Variants in OPHN1 observed in about 807,000 individuals in gnomAD.
The protein encoded by OPHN1 is oligophrenin 1.
OPHN1 carries 11 observed loss-of-function variants against 60.7 expected under a neutral mutation model. The ratio of observed to expected loss-of-function variants is 0.18; its 90% confidence interval spans 0.11 to 0.30. The LOEUF (loss-of-function observed/expected upper bound fraction) is 0.30. Ranked by LOEUF, OPHN1 falls within the 10% of genes least tolerant of loss-of-function variation. The pLI is 1.00. For synonymous variants in OPHN1, 226 were observed against 222.6 expected, an observed-to-expected ratio of 1.02 and a Z score of -0.14; for missense variants, 449 against 611.0, an observed-to-expected ratio of 0.73 and a Z score of 2.80.
chrX:68,144,348 T>C (rs572580553), intron 15 of OPHN1, among the ~76,000 whole-genome samples: 37 of 110,591 alleles, frequency 3.3e-4, no homozygotes, highest in Middle Eastern at 9.1e-3. Flanking sequence ...CTCAACTGAC[T>C]AGGCCATGTT....
intron 5 of OPHN1, among the ~76,000 whole-genome samples, chrX:68,247,896 G>C (rs2077814830): frequency 9.0e-6 from 1 of 111,130 alleles, no homozygotes; most frequent in Non-Finnish European, 1.9e-5. Context: ...AATTTTAAAA[G>C]AATAAATTGC....
intron 19 of OPHN1, among the ~76,000 whole-genome samples, chrX:68,090,063 A>G (rs186235425): frequency 2.1e-4 from 24 of 112,114 alleles, no homozygotes; most frequent in Non-Finnish European, 3.9e-4. Flanking sequence ...TACATATTAG[A>G]TTCACATGTA....
At chrX:68,244,894 TAG>T (rs2077797924) in intron 5 of OPHN1, among the ~76,000 whole-genome samples, 1 of 111,497 alleles carries the variant, frequency 9.0e-6, no homozygotes, top group South Asian at 3.8e-4. Context: ...CACAAGCTAA[TAG>T]AAGTAAAAGA....
At chrX:68,090,503 G>C (rs1172115421) in intron 19 of OPHN1, among the ~76,000 whole-genome samples, 1 of 111,031 alleles carries the variant, frequency 9.0e-6, no homozygotes, top group Non-Finnish European at 1.9e-5. Context: ...AGAAAGGAGA[G>C]ACAGACCAGG....
rs1265547833 is a variant in OPHN1 at position 68,143,702 on chromosome X, G to A, written c.1277-24370C>T. Among the ~76,000 whole-genome samples, 6 of 111,196 alleles carry A rather than the reference G, an allele frequency of 5.4e-5. No individual in the cohort carries two copies. In the South Asian group the frequency reaches 1.1e-3, roughly 21 times the overall value. ...AATTAATAATTTAATAATATCCCCC[G>A]GTAGACAACACTTCATATGTGCTGT... is the stretch of plus-strand genomic sequence containing the variant. On this transcript the variant is annotated intron_variant, in intron 15 of 24. Coordinates refer to ENST00000355520, the MANE Select transcript of OPHN1 (RefSeq NM_002547.3).
intron 5 of OPHN1, among the ~76,000 whole-genome samples, chrX:68,241,063 C>T (rs1196753568): frequency 9.0e-6 from 1 of 111,658 alleles, no homozygotes. Flanking sequence ...AAAACATACT[C>T]TATGTGATAT....
At chrX:68,197,563 T>C in intron 11 of OPHN1, among the ~76,000 whole-genome samples, 1 of 110,838 alleles carries the variant, frequency 9.0e-6, no homozygotes. Context: ...TTGGCCCCAT[T>C]GTGCTTGAAC....
At chrX:68,255,017 G>GAAAA (rs748466618) in intron 5 of OPHN1, among the ~76,000 whole-genome samples, 1 of 32,928 alleles carries the variant, frequency 3.0e-5, no homozygotes. Context: ...TCTGCCTCAA[G>GAAAA]AAAAAAAAAA....
chrX:68,345,627 G>A (rs1355976958), intron 2 of OPHN1, among the ~76,000 whole-genome samples: 2 of 111,431 alleles, frequency 1.8e-5, no homozygotes, highest in African/African-American at 3.3e-5. Flanking sequence ...AGGCTGAGAT[G>A]GGCAAATCAC....
At chrX:68,387,679 C>G (rs747454631) in intron 2 of OPHN1, among the ~76,000 whole-genome samples, 4 of 111,645 alleles carry the variant, frequency 3.6e-5, no homozygotes, top group Non-Finnish European at 7.5e-5. Context: ...TATTATTTTA[C>G]AAACTCTTAG....
At chrX:68,380,986 T>A (rs1246689496) in intron 2 of OPHN1, among the ~76,000 whole-genome samples, 1 of 111,144 alleles carries the variant, frequency 9.0e-6, no homozygotes, top group Admixed American at 9.6e-5. Flanking sequence ...AGTGTATGTA[T>A]CCAAATCCAG....
intron 15 of OPHN1, among the ~76,000 whole-genome samples, chrX:68,139,063 A>G (rs189246168): frequency 8.7e-4 from 97 of 111,923 alleles, no homozygotes; most frequent in Non-Finnish European, 1.5e-3. Context: ...ACCAGACTAT[A>G]TTTGGTAACA....
chrX:68,210,050 CA>C (rs2077577687), intron 9 of OPHN1, 102 bp downstream of exon 9: 4 of 841,570 alleles, frequency 4.8e-6, no homozygotes, highest in South Asian at 4.3e-5. Context: ...TTTTAGCTAT[CA>C]GGGGTCTATG....
At chrX:68,132,150 C>T (rs186985598) in intron 15 of OPHN1, among the ~76,000 whole-genome samples, 1 of 111,400 alleles carries the variant, frequency 9.0e-6, no homozygotes, top group East Asian at 2.9e-4. Context: ...TTTTGAAATA[C>T]GTGATCTAGA....
intron 6 of OPHN1, among the ~76,000 whole-genome samples, chrX:68,232,929 C>CTTT (rs537093148): frequency 4.2e-5 from 4 of 94,176 alleles, no homozygotes; most frequent in African/African-American, 1.6e-4. Flanking sequence ...ACAACTAAGG[C>CTTT]TTTTTTTTTT....
rs781646698 is a variant in OPHN1 at position 68,062,347 on chromosome X, A to T, written c.2158+1507T>A. On this transcript the variant is annotated intron_variant, in intron 21 of 24. Transcript: ENST00000355520. ...ACTCAATTCTGCTGTTGTGGCATGA[A>T]AGCAGCCATAGACAACATGTAAATG... is the stretch of plus-strand genomic sequence containing the variant. Among the ~76,000 whole-genome samples the T allele has an allele frequency of 4.4e-5, 5 of 112,765 alleles. No homozygotes were observed. The South Asian group carries it at 1.9e-3, about 42-fold the overall frequency.
At chrX:68,254,073 T>C (rs1025046843) in intron 5 of OPHN1, among the ~76,000 whole-genome samples, 1 of 111,814 alleles carries the variant, frequency 8.9e-6, no homozygotes, top group African/African-American at 3.2e-5. Flanking sequence ...AAACTGGATA[T>C]GTCAGCTTCT....
intron 2 of OPHN1, among the ~76,000 whole-genome samples, chrX:68,374,588 A>G (rs1220504482): frequency 9.1e-6 from 1 of 110,298 alleles, no homozygotes; most frequent in Admixed American, 9.9e-5. Flanking sequence ...AATAGCTGAG[A>G]CTACAGGCAT....
At chrX:68,324,481 G>A (rs1326396951) in intron 2 of OPHN1, among the ~76,000 whole-genome samples, 3 of 105,593 alleles carry the variant, frequency 2.8e-5, no homozygotes, top group Admixed American at 1.0e-4. Flanking sequence ...ATGGTGGTGC[G>A]CGCTGTAGTC....
Sources: gnomAD v4.1 joint callset for allele counts (sites outside exome capture counted in the v4.1 genomes callset) on GRCh38, gnomAD v4.1.1 for gene constraint, MANE v1.5 for transcripts, NCBI Gene and HGNC (gene_info 2026-07-23, HGNC 2026-07-21) for gene names.